SERPINI2: variants seen among roughly 807,000 people sequenced by gnomAD.
SERPINI2 encodes serpin I2.
In SERPINI2, 48 loss-of-function variants were observed where a neutral mutation model predicts 47.3. That is an observed-to-expected ratio of 1.02 (90% CI 0.81 to 1.29). The LOEUF is 1.29. Ranked by LOEUF, SERPINI2 falls within the 50% of genes most tolerant of loss-of-function variation. SERPINI2 has a pLI of 0.00. For synonymous variants in SERPINI2, 135 were observed against 149.3 expected (o/e 0.90, Z 0.70); for missense variants, 448 against 456.9 (o/e 0.98, Z 0.18).
intron 8 of SERPINI2, among the ~76,000 whole-genome samples, chr3:167,443,062 G>A (rs1336839974): frequency 2.0e-5 from 3 of 152,146 alleles, no homozygotes; most frequent in Non-Finnish European, 4.4e-5. Context: ...CAAATAACAT[G>A]GAAATAGACA....
chr3:167,470,972 T>A (rs1750299502), intron 2 of SERPINI2, among the ~76,000 whole-genome samples: 1 of 152,154 alleles, frequency 6.6e-6, no homozygotes, highest in Non-Finnish European at 1.5e-5. Flanking sequence ...CTCTGATTAT[T>A]TAAATCCTTT....
At chr3:167,468,001 T>C (rs1307580065) in intron 2 of SERPINI2, among the ~76,000 whole-genome samples, 2 of 152,142 alleles carry the variant, frequency 1.3e-5, no homozygotes, top group East Asian at 3.9e-4. Context: ...CTGACTGTAG[T>C]GTTGTCTGGA....
At chr3:167,463,383 C>CA (rs1280248546) in intron 5 of SERPINI2, among the ~76,000 whole-genome samples, 3 of 151,896 alleles carry the variant, frequency 2.0e-5, no homozygotes, top group Non-Finnish European at 2.9e-5. Context: ...GTTAGAGACT[C>CA]AGATTTTAAA....
intron 5 of SERPINI2, among the ~76,000 whole-genome samples, chr3:167,460,039 T>G (rs898410911): frequency 6.6e-6 from 1 of 152,196 alleles, no homozygotes; most frequent in Non-Finnish European, 1.5e-5. Flanking sequence ...CCTAACGGTC[T>G]CAGTGAGAGC....
In SERPINI2 at chr3:167,470,550, C is replaced by CTTTTTTTTTTTTTT. The variant is rs536884425; in HGVS notation, c.247+1024_247+1037dup. On this transcript the variant is annotated intron_variant, in intron 2 of 8. Transcript: ENST00000264677. ...AGATAGCTGAGGAGATGAGCAACAA[C>CTTTTTTTTTTTTTT]TTTTTTTTTTTTTTTTTTTTTTTTT... 2.4e-3 allele frequency among the ~76,000 whole-genome samples: 219 copies of CTTTTTTTTTTTTTT among 93,012 alleles called. 26 individuals are homozygous for CTTTTTTTTTTTTTT. The highest frequency in any genetic ancestry group is 0.012 in the African/African-American group (213 of 17,606). 61.0% of individuals were successfully genotyped at this position (93,012 alleles called of 152,430 possible).
chr3:167,467,965 G>A (rs1244805252), intron 2 of SERPINI2, among the ~76,000 whole-genome samples: 3 of 152,052 alleles, frequency 2.0e-5, no homozygotes, highest in Admixed American at 6.6e-5. Context: ...AATCACTTTC[G>A]GCCTATTATT....
chr3:167,468,564 G>T (rs1345653615), intron 2 of SERPINI2, among the ~76,000 whole-genome samples: 1 of 151,964 alleles, frequency 6.6e-6, no homozygotes, highest in Non-Finnish European at 1.5e-5. Flanking sequence ...CAAACTCCAG[G>T]ATTCTCTGTT....
upstream of SERPINI2, among the ~76,000 whole-genome samples, chr3:167,475,794 C>T (rs1384603480): frequency 2.0e-5 from 3 of 151,180 alleles, no homozygotes; most frequent in African/African-American, 7.3e-5. Context: ...CCATTACTGT[C>T]CGACTGTAAA....
At chr3:167,441,993 C>T (rs1452842136) in exon 9 of SERPINI2, 1 of 682,068 alleles carries the variant, frequency 1.5e-6, no homozygotes, top group Non-Finnish European at 2.3e-6. Flanking sequence ...TTACTACAGG[C>T]ACAGTTTAAA....
intron 6 of SERPINI2, among the ~76,000 whole-genome samples, chr3:167,452,255 G>A (rs190790290): frequency 1.3e-5 from 2 of 152,226 alleles, no homozygotes; most frequent in Middle Eastern, 3.4e-3. Context: ...TAAGTAACTT[G>A]GGACAAACTG....
intron 1 of SERPINI2, 79 bp downstream of exon 1, chr3:167,473,924 C>G: frequency 8.5e-7 from 1 of 1,172,908 alleles, no homozygotes; most frequent in Non-Finnish European, 1.1e-6. Flanking sequence ...AAATGCCATT[C>G]CATACTCTAC....
chr3:167,452,831 A>T, intron 6 of SERPINI2, 105 bp downstream of exon 6: 1 of 631,806 alleles, frequency 1.6e-6, no homozygotes, highest in South Asian at 2.4e-5. Context: ...CACTGTGCGT[A>T]TATTTATCAG....
In SERPINI2 at chr3:167,449,462, A is replaced by G. The variant is rs1177999511; in HGVS notation, c.965-60T>C. 6 of 886,722 alleles carry G rather than the reference A, an allele frequency of 6.8e-6. No individual in the cohort carries two copies. The African/African-American group carries it at 6.9e-5, about 10-fold the overall frequency. 54.9% of individuals were successfully genotyped at this position (886,722 alleles called of 1,614,324 possible). On this transcript the variant is annotated intron_variant, in intron 6 of 8. Transcript: ENST00000264677. ...GAGTTAAAATCAAAAGCCGTTACCT[A>G]TTAGATCTCAATTAATTACATTTAT... is the stretch of plus-strand genomic sequence containing the variant.
intron 5 of SERPINI2, among the ~76,000 whole-genome samples, chr3:167,464,919 T>C (rs189932018): frequency 2.6e-5 from 4 of 152,282 alleles, no homozygotes; most frequent in African/African-American, 9.6e-5. Context: ...ATTAGCATAA[T>C]AAAAAGACAA....
chr3:167,468,818 A>G (rs1228899336), intron 2 of SERPINI2, among the ~76,000 whole-genome samples: 1 of 152,188 alleles, frequency 6.6e-6, no homozygotes, highest in South Asian at 2.1e-4. Flanking sequence ...TTTCTGAGTA[A>G]AGACACGAGA....
chr3:167,446,806 T>A (rs1749493115), intron 7 of SERPINI2: 1 of 165,502 alleles, frequency 6.0e-6, no homozygotes, highest in Non-Finnish European at 1.3e-5. Flanking sequence ...CACTTTTTAT[T>A]TGCATTATAT....
At chr3:167,471,590 G>A in exon 2 of SERPINI2, 1 of 1,613,200 alleles carries the variant, frequency 6.2e-7, no homozygotes, top group East Asian at 2.2e-5. Flanking sequence ...AGTCTCACCA[G>A]CTGAGGTTTC....
rs201533733 is a variant in SERPINI2 at position 167,449,387 on chromosome 3, T to A, written c.980A>T (p.Tyr327Phe). The change falls in exon 7 of 9, where the codon TAT becomes TTT. Residue 327 changes from tyrosine to phenylalanine, a missense_variant. By Grantham distance (22) the Tyr-to-Phe change is conservative. Coordinates refer to ENST00000264677, the Ensembl canonical transcript of SERPINI2. ...AACTTTTTGCGTCACTTGGGAAACA[T>A]ACACTTCAGATGAATCTGGTTAAAA... The A allele has an allele frequency of 8.1e-6, 13 of 1,610,778 alleles. No homozygotes were observed. The highest frequency in any genetic ancestry group is 2.5e-6 in the Non-Finnish European group (3 of 1,177,506).
At chr3:167,469,422 C>T (rs1750243804) in intron 2 of SERPINI2, 1 of 152,106 alleles carries the variant, frequency 6.6e-6, no homozygotes, top group South Asian at 2.1e-4. Context: ...CCAAAAGGTC[C>T]AAATAAATTA....
Sources: gnomAD v4.1 joint callset for allele counts (sites outside exome capture counted in the v4.1 genomes callset) on GRCh38, gnomAD v4.1.1 for gene constraint, MANE v1.5 for transcripts, NCBI Gene and HGNC (gene_info 2026-07-23, HGNC 2026-07-21) for gene names.